The following AGBL4 variants were observed in gnomAD, a reference collection of about 807,000 sequenced individuals.
AGBL4 encodes cytosolic carboxypeptidase 6.
Under a neutral mutation model 66.4 loss-of-function variants are expected in AGBL4, and 58 were observed. That is an observed-to-expected ratio of 0.87 (90% CI 0.71 to 1.09). The LOEUF is 1.09. Among genes scored for constraint, AGBL4 ranks in the 50% least tolerant of loss-of-function variants. The pLI is 0.00. For synonymous variants in AGBL4, 234 were observed against 222.9 expected, an observed-to-expected ratio of 1.05 and a Z score of -0.44; for missense variants, 579 against 631.0, an observed-to-expected ratio of 0.92 and a Z score of 0.88.
intron 3 of AGBL4, among the ~76,000 whole-genome samples, chr1:49,390,247 TC>T (rs1253800162): frequency 3.3e-5 from 5 of 152,242 alleles, no homozygotes; most frequent in African/African-American, 1.2e-4. Flanking sequence ...AGAGGATCTG[TC>T]CACTATGCTG....
intron 6 of AGBL4, chr1:48,776,588 C>T: frequency 2.8e-6 from 4 of 1,410,266 alleles, no homozygotes; most frequent in Non-Finnish European, 3.7e-6. Context: ...CACCGTCCCT[C>T]CCCGCCCGCT....
At chr1:49,385,301 G>GT (rs1644714122) in intron 3 of AGBL4, among the ~76,000 whole-genome samples, 1 of 151,900 alleles carries the variant, frequency 6.6e-6, no homozygotes, top group Non-Finnish European at 1.5e-5. Context: ...TGTTCTGTGT[G>GT]TTTTTTTACT....
chr1:49,205,837 T>C (rs1485976851), intron 4 of AGBL4, among the ~76,000 whole-genome samples: 1 of 152,146 alleles, frequency 6.6e-6, no homozygotes, highest in Non-Finnish European at 1.5e-5. Context: ...CTTTCACAGA[T>C]GCTTATTGTT....
the AGBL4 span, among the ~76,000 whole-genome samples, chr1:48,526,913 C>T: frequency 2.0e-5 from 3 of 152,068 alleles, no homozygotes; most frequent in Non-Finnish European, 4.4e-5. Context: ...TCTCCATGGA[C>T]CCTGGGGCCA....
chr1:48,531,830 C>T (rs1489467595), downstream of AGBL4, among the ~76,000 whole-genome samples: 14 of 152,102 alleles, frequency 9.2e-5, no homozygotes, highest in South Asian at 4.1e-4. Flanking sequence ...GGCTGGAGTG[C>T]GGTGGCATGA....
chr1:49,777,218 G>T (rs976609854), intron 2 of AGBL4, among the ~76,000 whole-genome samples: 4 of 151,990 alleles, frequency 2.6e-5, no homozygotes, highest in African/African-American at 9.7e-5. Context: ...TGAATTAATT[G>T]TATTAATCAG....
chr1:49,495,132 G>A (rs1014928761), intron 3 of AGBL4, among the ~76,000 whole-genome samples: 6 of 152,126 alleles, frequency 3.9e-5, no homozygotes, highest in African/African-American at 9.6e-5. Flanking sequence ...GAGAATATAC[G>A]TTTTAGTACA....
chr1:49,581,439 T>C (rs952833190), intron 3 of AGBL4, among the ~76,000 whole-genome samples: 1 of 152,332 alleles, frequency 6.6e-6, no homozygotes, highest in Non-Finnish European at 1.5e-5. Flanking sequence ...TGTGTCTGTA[T>C]GTCAATTTAT....
intron 1 of AGBL4, 131 bp from the exon 2 acceptor site, chr1:49,851,649 G>T: frequency 1.2e-6 from 1 of 833,182 alleles, no homozygotes; most frequent in Non-Finnish European, 1.8e-6. Flanking sequence ...ACACCACATT[G>T]TGGTACAGTG....
At chr1:48,817,250 G>T (rs1259911567) in intron 6 of AGBL4, among the ~76,000 whole-genome samples, 1 of 152,106 alleles carries the variant, frequency 6.6e-6, no homozygotes, top group Non-Finnish European at 1.5e-5. Flanking sequence ...ATTCTGTTAA[G>T]TTTAGGCCTC....
chr1:49,088,327 A>G lies in AGBL4; in HGVS notation c.378-42527T>C, dbSNP rs149490536. Reference sequence around the variant, plus strand: ...GAATGCCCAACCGTATGCTGTCTTAAAAGCAAAACAAAACAAAAAACCTAT... The same window carrying G: ...GAATGCCCAACCGTATGCTGTCTTAGAAGCAAAACAAAACAAAAAACCTAT... On this transcript the variant is annotated intron_variant, in intron 4 of 13. Coordinates refer to ENST00000371839, the MANE Select transcript of AGBL4 (RefSeq NM_032785.4). Among the ~76,000 whole-genome samples the G allele has an allele frequency of 4.3e-3, 656 of 152,290 alleles. 4 individuals are homozygous for G. The highest frequency in any genetic ancestry group is 0.014 in the Admixed American group (213 of 15,296).
At chr1:49,825,230 A>G (rs1645479150) in intron 2 of AGBL4, among the ~76,000 whole-genome samples, 1 of 152,170 alleles carries the variant, frequency 6.6e-6, no homozygotes, top group Non-Finnish European at 1.5e-5. Context: ...ATGTATTTTA[A>G]AGCATACATG....
intron 6 of AGBL4, among the ~76,000 whole-genome samples, chr1:48,774,952 T>A (rs1645005243): frequency 6.6e-6 from 1 of 152,110 alleles, no homozygotes; most frequent in Admixed American, 6.5e-5. Context: ...TACAATACAA[T>A]CGTCAAGAAG....
chr1:49,671,584 A>C (rs948733130), intron 3 of AGBL4, among the ~76,000 whole-genome samples: 2 of 152,228 alleles, frequency 1.3e-5, no homozygotes, highest in African/African-American at 4.8e-5. Context: ...CAAACTATGC[A>C]TCTGACAAAG....
intron 5 of AGBL4, among the ~76,000 whole-genome samples, chr1:48,948,408 C>T (rs1656698691): frequency 6.6e-6 from 1 of 152,212 alleles, no homozygotes; most frequent in Admixed American, 6.5e-5. Flanking sequence ...CACTGCCACT[C>T]TGTAGATGGT....
intron 5 of AGBL4, among the ~76,000 whole-genome samples, chr1:48,871,947 CT>C (rs1280630943): frequency 1.3e-5 from 2 of 152,082 alleles, no homozygotes; most frequent in Non-Finnish European, 2.9e-5. Context: ...AACTTTGGAC[CT>C]TTTCTGGATT....
In AGBL4 at chr1:48,618,461, A is replaced by G. The variant is rs150075142; in HGVS notation, c.951+16032T>C. On this transcript the variant is annotated intron_variant, in intron 9 of 13. Coordinates refer to ENST00000371839, the MANE Select transcript of AGBL4 (RefSeq NM_032785.4). Reference sequence around the variant, plus strand: ...ACTACAGTCCCACTGTGTGACCTGGAGCAAGCCATTGCCCTGCCCTGGGCT... The same window carrying G: ...ACTACAGTCCCACTGTGTGACCTGGGGCAAGCCATTGCCCTGCCCTGGGCT... Among the ~76,000 whole-genome samples, 26 of 152,304 alleles carry G rather than the reference A, an allele frequency of 1.7e-4. No individual in the cohort carries two copies. The East Asian group carries it at 4.8e-3, about 28-fold the overall frequency.
At chr1:49,627,587 C>T (rs753967645) in intron 3 of AGBL4, among the ~76,000 whole-genome samples, 11 of 152,132 alleles carry the variant, frequency 7.2e-5, no homozygotes, top group Non-Finnish European at 1.5e-4. Flanking sequence ...TAGATATAGC[C>T]AGGCATACCA....
intron 5 of AGBL4, among the ~76,000 whole-genome samples, chr1:48,975,796 C>A (rs113553848): frequency 6.6e-6 from 1 of 152,090 alleles, no homozygotes; most frequent in Non-Finnish European, 1.5e-5. Flanking sequence ...CTTCAGTTCA[C>A]GCTATGACTT....
Sources: gnomAD v4.1 joint callset for allele counts (sites outside exome capture counted in the v4.1 genomes callset) on GRCh38, gnomAD v4.1.1 for gene constraint, MANE v1.5 for transcripts, NCBI Gene and HGNC (gene_info 2026-07-23, HGNC 2026-07-21) for gene names.